Variants in MGRN1 observed in about 807,000 individuals in gnomAD.
The protein encoded by MGRN1 is mahogunin ring finger 1.
MGRN1 carries 29 observed loss-of-function variants against 69.2 expected under a neutral mutation model. The ratio of observed to expected loss-of-function variants is 0.42; its 90% confidence interval spans 0.31 to 0.57. The LOEUF is 0.57. MGRN1 is among the 20% of genes least tolerant of loss of function. MGRN1 has a pLI of 0.15. For missense variants in MGRN1, 998 were observed against 796.2 expected, an observed-to-expected ratio of 1.25 and a Z score of -3.05; for synonymous variants, 470 against 344.2, an observed-to-expected ratio of 1.37 and a Z score of -4.04.
At chr16:4,668,494 C>G (rs1001342415) in intron 8 of MGRN1, among the ~76,000 whole-genome samples, 182 bp downstream of exon 8, 1 of 150,466 alleles carries the variant, frequency 6.6e-6, no homozygotes, top group Non-Finnish European at 1.5e-5. Flanking sequence ...CCATCAGACA[C>G]TCACATTCAC....
rs745712127 is a variant in MGRN1, at chr16:4,681,789, C to T, written c.1358+13C>T. On this transcript the variant is annotated intron_variant, in intron 13 of 16. Coordinates refer to ENST00000262370, the MANE Select transcript of MGRN1 (RefSeq NM_015246.4). Reference sequence around the variant, plus strand: ...AGGCCCCCGACAGGTGAGCAGCAGCCAGGCCAGGTGCATGGCAGGGTGTGT... The same window carrying T: ...AGGCCCCCGACAGGTGAGCAGCAGCTAGGCCAGGTGCATGGCAGGGTGTGT... The T allele has an allele frequency of 1.2e-6, 2 of 1,607,132 alleles. No individual in the cohort carries two copies. The highest frequency in any genetic ancestry group is 1.1e-5 in the South Asian group (1 of 90,682).
rs1390951364 is a variant in MGRN1, at chr16:4,674,932, G to T, written c.955+1275G>T. 3.3e-5 allele frequency among the ~76,000 whole-genome samples: 5 copies of T among 151,114 alleles called. No individual in the cohort carries two copies. The East Asian group carries it at 9.8e-4, about 30-fold the overall frequency. On this transcript the variant is annotated intron_variant, in intron 10 of 16. Transcript: ENST00000262370. ...TGGGATTACAGGCGTGAGCCACCGC[G>T]CCTGGCCGAGCCACCGCTTTTTAAT...
intron 7 of MGRN1, among the ~76,000 whole-genome samples, chr16:4,667,349 G>A (rs1431045235): frequency 1.3e-5 from 2 of 152,154 alleles, no homozygotes; most frequent in African/African-American, 2.4e-5. Context: ...GTTCTCTCCC[G>A]GGTCCAGGAC....
intron 1 of MGRN1, chr16:4,633,682 ACT>A (rs1898125249): frequency 6.6e-6 from 1 of 151,818 alleles, no homozygotes; most frequent in Admixed American, 6.6e-5. Flanking sequence ...CTAGAGCAAA[ACT>A]CTGTCTCAAA....
At chr16:4,649,990 T>G (rs1437452386) in intron 1 of MGRN1, 1 of 169,114 alleles carries the variant, frequency 5.9e-6, no homozygotes, top group Non-Finnish European at 1.3e-5. Context: ...CACCAGGCTG[T>G]GTTCAGCCTC....
chr16:4,672,520 A>C (rs1427485435), intron 9 of MGRN1: 1 of 452,240 alleles, frequency 2.2e-6, no homozygotes, highest in African/African-American at 2.0e-5. Flanking sequence ...CAGGGAAGTC[A>C]GTGCATTCAT....
rs898728348 is a variant in MGRN1 at position 4,624,873 on chromosome 16, T to G, written c.-88T>G. 8.6e-7 allele frequency: 1 copy of G among 1,163,296 alleles called. No homozygotes were observed. The highest frequency in any genetic ancestry group is 1.2e-6 in the Non-Finnish European group (1 of 864,680). 72.1% of individuals were successfully genotyped at this position (1,163,296 alleles called of 1,614,324 possible). Reference sequence around the variant, plus strand: ...GCCGTGGACGAGCGTCCGTGCGGCCTGGTCCGGGCCATGTCCGCGTGAGGA... The same window carrying G: ...GCCGTGGACGAGCGTCCGTGCGGCCGGGTCCGGGCCATGTCCGCGTGAGGA... On this transcript the variant is annotated 5_prime_UTR_variant, in exon 1 of 17. Coordinates refer to ENST00000262370, the MANE Select transcript of MGRN1 (RefSeq NM_015246.4).
intron 15 of MGRN1, 126 bp from the exon 16 acceptor site, chr16:4,683,716 AG>A (rs1418113054): frequency 5.5e-6 from 4 of 721,900 alleles, no homozygotes; most frequent in Non-Finnish European, 9.1e-6. Context: ...GTCCTGCTGG[AG>A]CACAAGCCTG....
intron 1 of MGRN1, among the ~76,000 whole-genome samples, chr16:4,625,517 C>T (rs1456713370): frequency 6.6e-6 from 1 of 152,164 alleles, no homozygotes; most frequent in Non-Finnish European, 1.5e-5. Context: ...CCCATCAGGA[C>T]GGAGGCTCTT....
At chr16:4,676,558 A>G (rs1025067611) in intron 10 of MGRN1, among the ~76,000 whole-genome samples, 48 of 152,160 alleles carry the variant, frequency 3.2e-4, no homozygotes, top group African/African-American at 1.1e-3. Context: ...CAGGCGCCCG[A>G]GGGCAGAGAC....
intron 6 of MGRN1, 121 bp from the exon 7 acceptor site, chr16:4,664,981 A>G: frequency 8.0e-7 from 1 of 1,251,596 alleles, no homozygotes; most frequent in East Asian, 2.3e-5. Flanking sequence ...CAGGCTCAGG[A>G]CTCTATGGAC....
chr16:4,688,208 C>T (rs1160981530), intron 16 of MGRN1: 11 of 985,530 alleles, frequency 1.1e-5, no homozygotes, highest in Non-Finnish European at 1.3e-5. Context: ...CCAGGCTCTG[C>T]ACCAGCACCA....
chr16:4,687,944 C>T lies in MGRN1; in HGVS notation c.1619-852C>T, dbSNP rs559345928. The T allele has an allele frequency of 2.8e-5, 28 of 985,740 alleles. No homozygotes were observed. The South Asian group carries it at 1.0e-3, about 36-fold the overall frequency. The allele number at this position is 985,740 out of a possible 1,614,324, so 61.1% of individuals were successfully genotyped here. On this transcript the variant is annotated intron_variant, in intron 16 of 16. Transcript: ENST00000262370. ...CTAGATTGAAACAGTCAGCACCTTT[C>T]AGACGGCCCCGGCCTGCGCATCGGT...
At chr16:4,638,837 C>T (rs765504201) in intron 1 of MGRN1, among the ~76,000 whole-genome samples, 5 of 152,208 alleles carry the variant, frequency 3.3e-5, no homozygotes, top group Non-Finnish European at 7.3e-5. Context: ...CCCACTCCCC[C>T]TTCCTCGGGT....
chr16:4,659,009 A>G (rs1393440190), intron 5 of MGRN1: 1 of 152,102 alleles, frequency 6.6e-6, no homozygotes, highest in Non-Finnish European at 1.5e-5. Flanking sequence ...AAGTAAGACT[A>G]CCTGGGAGTG....
intron 11 of MGRN1, 65 bp from the exon 12 acceptor site, chr16:4,679,967 G>C: frequency 6.7e-7 from 1 of 1,492,678 alleles, no homozygotes; most frequent in Non-Finnish European, 9.3e-7. Flanking sequence ...AGTCAGACCT[G>C]TCCAGCCCAC....
rs1212294219 is a variant in MGRN1 at position 4,672,752 on chromosome 16, GCTTT to G, written c.796-741_796-738del. Among the ~76,000 whole-genome samples the G allele has an allele frequency of 7.2e-5, 11 of 152,310 alleles. No individual in the cohort carries two copies. The East Asian group carries it at 1.5e-3, about 21-fold the overall frequency. On this transcript the variant is annotated intron_variant, in intron 9 of 16. Transcript: ENST00000262370. ...TGTGGACACCTGTTTTAGATTTTTGGCTTTCTTTTTGTCCAGTTGCTAATGTGGT... is the reference window on the plus strand; with the variant it reads ...TGTGGACACCTGTTTTAGATTTTTGGCTTTTTGTCCAGTTGCTAATGTGGT...
intron 7 of MGRN1, among the ~76,000 whole-genome samples, chr16:4,667,294 G>A (rs1036591329): frequency 3.9e-5 from 6 of 152,198 alleles, no homozygotes; most frequent in Non-Finnish European, 7.3e-5. Context: ...TGTTAGCTGG[G>A]TAGAGGACCC....
At position 4,660,607 on chromosome 16, in the gene MGRN1, C is replaced by T. The variant is rs189981831; in HGVS notation, c.561+3244C>T. Among the ~76,000 whole-genome samples the T allele has an allele frequency of 5.2e-3, 798 of 152,310 alleles. 3 individuals carry two copies. The highest frequency in any genetic ancestry group is 0.018 in the African/African-American group (756 of 41,574). ...GCAGAAGCGAAGGGGTGGGCAGGGGCGCGGGGGTGGATGCGCTCCAGAAAG... is the reference window on the plus strand; with the variant it reads ...GCAGAAGCGAAGGGGTGGGCAGGGGTGCGGGGGTGGATGCGCTCCAGAAAG... On this transcript the variant is annotated intron_variant, in intron 5 of 16. Transcript: ENST00000262370.
Sources: allele counts gnomAD v4.1 joint callset (sites outside exome capture counted in the v4.1 genomes callset), GRCh38; gene constraint gnomAD v4.1.1; transcripts MANE v1.5; gene names NCBI Gene and HGNC (gene_info 2026-07-23, HGNC 2026-07-21).